Variants in TRMU observed in about 807,000 individuals in gnomAD.
TRMU encodes the protein tRNA mitochondrial 2-thiouridylase.
TRMU carries 49 observed loss-of-function variants against 46.9 expected under a neutral mutation model. The observed-to-expected ratio is 1.05, with a 90% CI of 0.83 to 1.33. The LOEUF (loss-of-function observed/expected upper bound fraction) is 1.33. Ranked by LOEUF, TRMU falls within the 40% of genes most tolerant of loss-of-function variation. The pLI is 0.00. For missense variants in TRMU, 572 were observed against 532.4 expected, an observed-to-expected ratio of 1.07 and a Z score of -0.73; for synonymous variants, 241 against 200.9, an observed-to-expected ratio of 1.20 and a Z score of -1.69.
At chr22:46,343,112 T>G in intron 2 of TRMU, 150 bp from the exon 3 acceptor site, 1 of 656,670 alleles carries the variant, frequency 1.5e-6, no homozygotes, top group Non-Finnish European at 2.6e-6. Flanking sequence ...TAAACAAATG[T>G]TCGATGACTG....
At position 46,338,791 on chromosome 22, in the gene TRMU, CTG is replaced by C. The variant is rs1467530937; in HGVS notation, c.248+850_248+851del. Among the ~76,000 whole-genome samples the C allele has an allele frequency of 6.6e-6, 1 of 151,728 alleles. No homozygotes were observed. Among genetic ancestry groups the C allele is most frequent in the East Asian group, 1.9e-4 (1 of 5,138 alleles). On this transcript the variant is annotated intron_variant, in intron 2 of 10. Coordinates refer to ENST00000645190, the MANE Select transcript of TRMU (RefSeq NM_018006.5). The surrounding 1 kb of genome is among the most constrained non-coding windows in gnomAD (Gnocchi z 4.5). ...GGGCTCATCCTCTGGTGAGCCCTGA[CTG>C]TGATGAATGTCGGGCAGTTGTCGAA...
At position 46,346,537 on chromosome 22, in the gene TRMU, T is replaced by C. The variant is rs760397893; in HGVS notation, c.471T>C (p.Val157=). 6 of 1,610,952 alleles carry C rather than the reference T, an allele frequency of 3.7e-6. No homozygotes were observed. Among genetic ancestry groups the C allele is most frequent in the Non-Finnish European group, 5.1e-6 (6 of 1,178,036 alleles). The change falls in exon 4 of 11, where the codon GTT becomes GTC. Residue 157 remains valine (V), a synonymous_variant. Coordinates refer to ENST00000645190, the MANE Select transcript of TRMU (RefSeq NM_018006.5). ...PEGLFRNRFE[V]RNAVKLLQAA... is the part of the protein sequence containing the mutation. ...GGCTTTTCAGAAATCGGTTTGAAGT[T>C]AGAAATGGTAAGTTCATGTGCCCAG...
chr22:46,352,085 TCTG>T, intron 5 of TRMU, 33 bp from the exon 6 acceptor site: 1 of 1,611,628 alleles, frequency 6.2e-7, no homozygotes, highest in Non-Finnish European at 8.5e-7. Flanking sequence ...CACCGCCACT[TCTG>T]CTCCTCTCAC....
At chr22:46,335,960 C>T in intron 1 of TRMU, 114 bp downstream of exon 1, 2 of 1,484,278 alleles carry the variant, frequency 1.3e-6, no homozygotes, top group South Asian at 1.3e-5. Context: ...TGGTTGCGCG[C>T]GGGTCGGCAG....
At chr22:46,352,648 AT>A in intron 7 of TRMU, 1 of 448,892 alleles carries the variant, frequency 2.2e-6, no homozygotes, top group East Asian at 4.6e-5. Context: ...TGTAAGGAAA[AT>A]GTTAAACTAC....
At chr22:46,355,692 G>GT (rs1478611871) in intron 9 of TRMU, 104 bp downstream of exon 9, 28 of 1,571,468 alleles carry the variant, frequency 1.8e-5, no homozygotes, top group Non-Finnish European at 2.4e-5. Flanking sequence ...AAGTCCCGTT[G>GT]TGGAGATCAT....
chr22:46,354,328 G>C (rs1027300710), intron 8 of TRMU: 2 of 193,356 alleles, frequency 1.0e-5, no homozygotes, highest in Non-Finnish European at 2.2e-5. Flanking sequence ...TCAAAGCAGG[G>C]CCGCTCAGTG....
Position 46,353,709 on chromosome 22 carries a change from C to T in TRMU, c.773-58C>T, listed in dbSNP as rs536621111. ...CCCAGCATCTGCCTTCATGATGAGG[C>T]GTGACATGTGGGCTGTAACTTGTTG... On this transcript the variant is annotated intron_variant, in intron 7 of 10. Coordinates refer to ENST00000645190, the MANE Select transcript of TRMU (RefSeq NM_018006.5). 2.4e-5 allele frequency: 36 copies of T among 1,518,196 alleles called. 1 individual carries two copies. Among genetic ancestry groups the T allele is most frequent in the Admixed American group, 2.3e-4 (14 of 59,642 alleles). 94.0% of individuals were successfully genotyped at this position (1,518,196 alleles called of 1,614,324 possible).
chr22:46,353,145 A>G (rs1004761191), intron 7 of TRMU: 9 of 162,786 alleles, frequency 5.5e-5, no homozygotes, highest in East Asian at 1.7e-4. Flanking sequence ...ACTGCCAGAC[A>G]GGATTGCCCA....
chr22:46,354,931 C>T (rs963145856), intron 8 of TRMU: 4 of 175,228 alleles, frequency 2.3e-5, no homozygotes, highest in African/African-American at 4.8e-5. Context: ...GTATCTGGGG[C>T]CCCCCAGACC....
Position 46,338,874 on chromosome 22 carries a change from C to A in TRMU, c.248+930C>A, listed in dbSNP as rs115586668. Among the ~76,000 whole-genome samples the A allele has an allele frequency of 0.015, 2,241 of 152,226 alleles. 53 individuals carry two copies. Among genetic ancestry groups the A allele is most frequent in the African/African-American group, 0.052 (2,166 of 41,524 alleles). ...GACAGGCTGCCCCTGCCTGAGTGGG[C>A]TTTAGGGGCAGAAGAGCCTTGGGTT... On this transcript the variant is annotated intron_variant, in intron 2 of 10. Transcript: ENST00000645190. The surrounding 1 kb of genome is among the most constrained non-coding windows in gnomAD (Gnocchi z 4.5).
rs186106915 is a variant in TRMU at position 46,351,679 on chromosome 22, C to T, written c.652-442C>T. On this transcript the variant is annotated intron_variant, in intron 5 of 10. Transcript: ENST00000645190. The surrounding 1 kb of genome is among the most constrained non-coding windows in gnomAD (Gnocchi z 6.4). The stretch of plus-strand genomic sequence containing the variant: ...TGGAGAGCGCACGCCACCCAGGCTC[C>T]CCAGCTAGGGCAGATGTGCTTGAGG... The T allele has an allele frequency of 3.4e-6, 1 of 296,538 alleles. No individual in the cohort carries two copies. The highest frequency in any genetic ancestry group is 6.6e-6 in the Non-Finnish European group (1 of 151,532). 18.4% of individuals were successfully genotyped at this position (296,538 alleles called of 1,614,324 possible).
chr22:46,355,872 C>T (rs917920294), intron 9 of TRMU, 118 bp from the exon 10 acceptor site: 1 of 1,215,074 alleles, frequency 8.2e-7, no homozygotes, highest in Non-Finnish European at 1.2e-6. Flanking sequence ...GGTGCCCTGC[C>T]CTTCCCCTCT....
intron 8 of TRMU, 71 bp downstream of exon 8, chr22:46,353,938 G>C: frequency 2.1e-6 from 3 of 1,426,110 alleles, no homozygotes; most frequent in Non-Finnish European, 3.0e-6. Context: ...CCAGACCAGG[G>C]CTTGAGAAGG....
In TRMU at chr22:46,346,365, T is replaced by C; in HGVS notation, c.356-57T>C. 1.9e-6 allele frequency: 3 copies of C among 1,592,456 alleles called. No homozygotes were observed. In the Admixed American group the frequency reaches 5.1e-5, roughly 27 times the overall value. The stretch of plus-strand genomic sequence containing the variant: ...TCTTTTGTGCCTTGGTTTATGCTGA[T>C]CAAGGCCTGCAAGTATGAGTCTAAA... On this transcript the variant is annotated intron_variant, in intron 3 of 10. Transcript: ENST00000645190.
rs1480108804 is a variant in TRMU at position 46,352,810 on chromosome 22, G to C, written c.772+480G>C. ...ACCCTTACTGCGGTGAGGCCTGCGT[G>C]AGCCTGTGCTGTGCCTGGTGTCAGG... On this transcript the variant is annotated intron_variant, in intron 7 of 10. Transcript: ENST00000645190. The C allele has an allele frequency of 2.9e-5, 8 of 277,132 alleles. No individual in the cohort carries two copies. The Admixed American group carries it at 3.8e-4, about 13-fold the overall frequency. The allele number at this position is 277,132 out of a possible 1,614,324, so 17.2% of individuals were successfully genotyped here. A position where few individuals can be genotyped will look rare whatever the true frequency, so the allele number is the denominator to read the frequency against.
Position 46,342,903 on chromosome 22 carries a change from A to C in TRMU, c.249-359A>C, listed in dbSNP as rs1280620441. On this transcript the variant is annotated intron_variant, in intron 2 of 10. Coordinates refer to ENST00000645190, the MANE Select transcript of TRMU (RefSeq NM_018006.5). This position sits in a 1 kb window ranked among gnomAD's most constrained non-coding sequence, Gnocchi z 4.7. ...GGGAAGTCTAAAGGATTTCATTTCC[A>C]CTGTCACTCAGGCATCTTCTCTTCC... Among the ~76,000 whole-genome samples the C allele has an allele frequency of 6.6e-6, 1 of 152,256 alleles. No homozygotes were observed. The highest frequency in any genetic ancestry group is 6.5e-5 in the Admixed American group (1 of 15,280).
chr22:46,353,994 C>A, intron 8 of TRMU, 127 bp downstream of exon 8: 1 of 837,136 alleles, frequency 1.2e-6, no homozygotes, highest in Non-Finnish European at 2.0e-6. Context: ...AACTCTGTTC[C>A]TGTCCTTGGT....
intron 3 of TRMU, among the ~76,000 whole-genome samples, chr22:46,343,658 G>A (rs2147033981): frequency 6.6e-6 from 1 of 152,278 alleles, no homozygotes; most frequent in Admixed American, 6.5e-5. Context: ...TTACAAGCGT[G>A]AGCCCCTGTG....
Sources: allele counts gnomAD v4.1 joint callset (sites outside exome capture counted in the v4.1 genomes callset), GRCh38; gene constraint gnomAD v4.1.1; non-coding constraint Gnocchi (gnomAD v3.1); transcripts MANE v1.5; gene names NCBI Gene and HGNC (gene_info 2026-07-23, HGNC 2026-07-21).